CCDC83: variants seen among roughly 807,000 people sequenced by gnomAD.
The protein encoded by CCDC83 is coiled-coil domain containing 83, also known as coiled-coil domain-containing protein 83.
A neutral mutation model predicts 50.1 loss-of-function variants in CCDC83; 54 were observed. That is an observed-to-expected ratio of 1.08 (90% CI 0.87 to 1.35). CCDC83 has a LOEUF of 1.35. Ranked by LOEUF, CCDC83 falls within the 40% of genes most tolerant of loss-of-function variation. The pLI is 0.00. For synonymous variants in CCDC83, 161 were observed against 153.3 expected (o/e 1.05, Z -0.37); for missense variants, 518 against 473.9 (o/e 1.09, Z -0.86).
Position 85,882,572 on chromosome 11 carries a change from T to A in CCDC83, c.240T>A (p.Ser80Arg), listed in dbSNP as rs201110814. The A allele has an allele frequency of 5.0e-5, 81 of 1,613,466 alleles. No homozygotes were observed. The highest frequency in any genetic ancestry group is 3.2e-4 in the Admixed American group (19 of 59,954). ...WHIRHLLKELSEEKAEGLPVV... is the reference protein window; with the variant it reads ...WHIRHLLKELREEKAEGLPVV... Reference sequence around the variant, plus strand: ...TACGGCATCTACTAAAGGAACTGAGTGAAGAGAAGGCAGAGGGATTGCCAG... The same window carrying A: ...TACGGCATCTACTAAAGGAACTGAGAGAAGAGAAGGCAGAGGGATTGCCAG... The change falls in exon 4 of 11, where the codon AGT becomes AGA. Residue 80 changes from serine to arginine, a missense_variant. Transcript: ENST00000342404.
Position 85,893,508 on chromosome 11 carries a change from G to A in CCDC83, c.512-1785G>A, listed in dbSNP as rs144186137. Among the ~76,000 whole-genome samples, 5 of 152,268 alleles carry A rather than the reference G, an allele frequency of 3.3e-5. No individual in the cohort carries two copies. The East Asian group carries it at 7.7e-4, about 24-fold the overall frequency. On this transcript the variant is annotated intron_variant, in intron 5 of 10. Transcript: ENST00000342404. ...AAGAAAATTTTCCCTTTGAAACAAC[G>A]CCCTAAGTCAGGGGTTCCCCAACCC...
chr11:85,885,485 T>C (rs966362005), intron 4 of CCDC83, among the ~76,000 whole-genome samples: 1 of 152,258 alleles, frequency 6.6e-6, no homozygotes, highest in Admixed American at 6.5e-5. Flanking sequence ...TGTACTTGAC[T>C]CTTTTGTAAT....
At chr11:85,865,269 T>C in intron 2 of CCDC83, 51 bp downstream of exon 2, 1 of 1,095,990 alleles carries the variant, frequency 9.1e-7, no homozygotes, top group African/African-American at 1.5e-5. Context: ...AAGGCAGTCA[T>C]TGTTAAGACT....
intron 7 of CCDC83, among the ~76,000 whole-genome samples, chr11:85,905,594 G>A (rs1480655869): frequency 4.0e-5 from 6 of 150,388 alleles, no homozygotes; most frequent in African/African-American, 7.4e-5. Context: ...TGGGCAACAA[G>A]AGCCAGACTC....
At chr11:85,870,439 G>T (rs1292518389) in intron 2 of CCDC83, among the ~76,000 whole-genome samples, 2 of 152,164 alleles carry the variant, frequency 1.3e-5, no homozygotes, top group African/African-American at 4.8e-5. Flanking sequence ...CATTTGCATA[G>T]GTTCTTTTCA....
At chr11:85,891,985 T>C (rs895506855) in intron 5 of CCDC83, among the ~76,000 whole-genome samples, 14 of 152,130 alleles carry the variant, frequency 9.2e-5, no homozygotes, top group Non-Finnish European at 1.6e-4. Context: ...ACCTGGCCAG[T>C]GTTTCTGCTA....
At chr11:85,887,183 G>T (rs776657122) in intron 5 of CCDC83, among the ~76,000 whole-genome samples, 10 of 152,192 alleles carry the variant, frequency 6.6e-5, no homozygotes, top group African/African-American at 9.7e-5. Context: ...GCCGTCAGGA[G>T]CAATGAAGCT....
rs182785847 is a variant in CCDC83 at position 85,889,464 on chromosome 11, G to C, written c.511+3097G>C. 2.8e-4 allele frequency among the ~76,000 whole-genome samples: 43 copies of C among 152,368 alleles called. 1 individual carries two copies. The highest frequency in any genetic ancestry group is 9.6e-4 in the African/African-American group (40 of 41,594). ...ATATATTGAATTACTTGCTGGTCAAGCCATGGGGCGCAGCCATAAGAAAAT... is the reference window on the plus strand; with the variant it reads ...ATATATTGAATTACTTGCTGGTCAACCCATGGGGCGCAGCCATAAGAAAAT... On this transcript the variant is annotated intron_variant, in intron 5 of 10. Coordinates refer to ENST00000342404, the MANE Select transcript of CCDC83 (RefSeq NM_001286159.2).
At chr11:85,909,062 T>C (rs2093440082) in intron 7 of CCDC83, among the ~76,000 whole-genome samples, 1 of 152,220 alleles carries the variant, frequency 6.6e-6, no homozygotes, top group African/African-American at 2.4e-5. Context: ...GTCTCTCAAG[T>C]AGTGGGGACT....
At chr11:85,892,480 G>A (rs1411203126) in intron 5 of CCDC83, among the ~76,000 whole-genome samples, 4 of 152,126 alleles carry the variant, frequency 2.6e-5, no homozygotes, top group Non-Finnish European at 4.4e-5. Context: ...ACTTTTATAT[G>A]GAAGTTGGAA....
At chr11:85,864,745 C>T (rs2093197245) in intron 1 of CCDC83, among the ~76,000 whole-genome samples, 1 of 152,080 alleles carries the variant, frequency 6.6e-6, no homozygotes, top group Non-Finnish European at 1.5e-5. Flanking sequence ...TAATTAATGT[C>T]TCTCTGCCAA....
chr11:85,875,278 G>A (rs576524967), intron 3 of CCDC83, among the ~76,000 whole-genome samples: 6 of 152,318 alleles, frequency 3.9e-5, no homozygotes, highest in African/African-American at 9.6e-5. Flanking sequence ...AGGAAAGCTC[G>A]CCAAACAGGA....
At chr11:85,896,881 G>A (rs569601621) in intron 6 of CCDC83, among the ~76,000 whole-genome samples, 2 of 151,864 alleles carry the variant, frequency 1.3e-5, no homozygotes, top group South Asian at 4.2e-4. Context: ...TAAACATCTG[G>A]TCTTTTTTCA....
chr11:85,868,354 A>C (rs2093219383), intron 2 of CCDC83, among the ~76,000 whole-genome samples: 1 of 152,146 alleles, frequency 6.6e-6, no homozygotes, highest in Non-Finnish European at 1.5e-5. Context: ...ATTTTTTTGA[A>C]AGTCAAGTTT....
At chr11:85,869,203 C>T (rs1213211773) in intron 2 of CCDC83, among the ~76,000 whole-genome samples, 2 of 152,170 alleles carry the variant, frequency 1.3e-5, no homozygotes, top group African/African-American at 2.4e-5. Context: ...ACAAAGCAAT[C>T]CTGCCCTTTT....
Position 85,886,226 on chromosome 11 carries a change from G to C in CCDC83, c.370G>C (p.Glu124Gln). 1 of 1,596,056 alleles carries C rather than the reference G, an allele frequency of 6.3e-7. No individual in the cohort carries two copies. Among genetic ancestry groups the C allele is most frequent in the Non-Finnish European group, 8.5e-7 (1 of 1,173,612 alleles). ...TATGCGCATGCAAATAAGTAATGCT[G>C]AGAAACTATTTCTTGAGAAACTCAG... ...RDMRMQISNA[E>Q]KLFLEKLSEK... Residue 124 changes from glutamate to glutamine, a missense_variant, in exon 5 of 11, where the codon GAG (glutamate) becomes CAG (glutamine). Transcript: ENST00000342404.
At chr11:85,895,830 T>C (rs1470260999) in intron 6 of CCDC83, among the ~76,000 whole-genome samples, 1 of 152,156 alleles carries the variant, frequency 6.6e-6, no homozygotes, top group East Asian at 1.9e-4. Flanking sequence ...TTCTTTTTTT[T>C]TGAGGCAGGA....
At chr11:85,910,450 T>C (rs1280757366) in intron 7 of CCDC83, among the ~76,000 whole-genome samples, 1 of 152,220 alleles carries the variant, frequency 6.6e-6, no homozygotes, top group African/African-American at 2.4e-5. Context: ...AGAGAGAACA[T>C]CATTGTATTC....
intron 6 of CCDC83, among the ~76,000 whole-genome samples, chr11:85,898,585 A>G (rs2093386082): frequency 6.6e-6 from 1 of 152,198 alleles, no homozygotes; most frequent in Admixed American, 6.5e-5. Flanking sequence ...TTTTTGCTAT[A>G]TGTTGGATTA....
Sources: allele counts gnomAD v4.1 joint callset (sites outside exome capture counted in the v4.1 genomes callset), GRCh38; gene constraint gnomAD v4.1.1; transcripts MANE v1.5; gene names NCBI Gene and HGNC (gene_info 2026-07-23, HGNC 2026-07-21).